FOXN3: variants seen among roughly 807,000 people sequenced by gnomAD.
FOXN3 encodes the protein forkhead box N3, also known as forkhead box protein N3.
A neutral mutation model predicts 38.4 loss-of-function variants in FOXN3; 7 were observed. That is an observed-to-expected ratio of 0.18 (90% CI 0.10 to 0.34). The LOEUF is 0.34. Among genes scored for constraint, FOXN3 ranks in the 10% least tolerant of loss-of-function variants. FOXN3 has a pLI of 1.00. For missense variants in FOXN3, 456 were observed against 613.4 expected, an observed-to-expected ratio of 0.74 and a Z score of 2.71; for synonymous variants, 230 against 242.2, an observed-to-expected ratio of 0.95 and a Z score of 0.47.
chr14:89,418,414 C>CCT (rs1891815431), upstream of FOXN3, among the ~76,000 whole-genome samples: 1 of 70,430 alleles, frequency 1.4e-5, no homozygotes, highest in African/African-American at 5.2e-5. Flanking sequence ...AAAAATAGAC[C>CCT]CCCCCCCCCC....
intron 1 of FOXN3, among the ~76,000 whole-genome samples, chr14:89,444,938 T>C (rs987927738): frequency 6.6e-6 from 1 of 151,852 alleles, no homozygotes; most frequent in Admixed American, 6.6e-5. Context: ...CTGGGCAACA[T>C]AGCAAGACCC....
chr14:89,188,088 T>C (rs556628027), intron 4 of FOXN3, among the ~76,000 whole-genome samples: 1 of 152,304 alleles, frequency 6.6e-6, no homozygotes, highest in Non-Finnish European at 1.5e-5. Context: ...GGGGCTTTCA[T>C]GAAGGCTGTG....
chr14:89,169,258 T>C (rs1445536496), intron 5 of FOXN3, among the ~76,000 whole-genome samples: 1 of 152,020 alleles, frequency 6.6e-6, no homozygotes, highest in Non-Finnish European at 1.5e-5. Flanking sequence ...CCCAGCAACA[T>C]GGTAAAACCC....
chr14:89,377,805 T>C (rs1353515064), intron 2 of FOXN3, among the ~76,000 whole-genome samples: 1 of 152,196 alleles, frequency 6.6e-6, no homozygotes, highest in East Asian at 1.9e-4. Flanking sequence ...TACCTCAGAA[T>C]GTGGCTCTAT....
intron 1 of FOXN3, among the ~76,000 whole-genome samples, chr14:89,511,149 CTTTCTTTCTTTCTTTCTTT>C (rs1894053780): frequency 3.0e-4 from 5 of 16,744 alleles, no homozygotes; most frequent in Non-Finnish European, 1.7e-3. Context: ...TCTTTTCTTT[CTTTCTTTCTTTCTTTCTTT>C]CTTTCTTTCT....
intron 1 of FOXN3, among the ~76,000 whole-genome samples, chr14:89,463,757 G>T (rs943491794): frequency 6.6e-6 from 1 of 151,350 alleles, no homozygotes; most frequent in African/African-American, 2.4e-5. Flanking sequence ...GGGAATCAGA[G>T]ATATGCAGGG....
intron 3 of FOXN3, among the ~76,000 whole-genome samples, chr14:89,302,050 T>G (rs572195426): frequency 1.4e-4 from 21 of 152,212 alleles, no homozygotes; most frequent in Admixed American, 5.9e-4. Context: ...ATAGTGTAGC[T>G]CAGGAAAACC....
intron 1 of FOXN3, among the ~76,000 whole-genome samples, chr14:89,541,126 T>A (rs1894784030): frequency 6.6e-6 from 1 of 152,168 alleles, no homozygotes; most frequent in African/African-American, 2.4e-5. Context: ...CTCGCAAATA[T>A]TTGTTGGATA....
intron 1 of FOXN3, among the ~76,000 whole-genome samples, chr14:89,559,198 CG>C (rs2139876180): frequency 6.7e-6 from 1 of 150,300 alleles, no homozygotes; most frequent in East Asian, 2.0e-4. Context: ...GACCGCCCCC[CG>C]CCCAACCCCA....
At chr14:89,391,611 C>A (rs1890948820) in intron 2 of FOXN3, among the ~76,000 whole-genome samples, 1 of 152,220 alleles carries the variant, frequency 6.6e-6, no homozygotes, top group Non-Finnish European at 1.5e-5. Flanking sequence ...CCAATTCAAG[C>A]CTCAGCACCA....
At chr14:89,190,353 G>A in intron 4 of FOXN3, 1 of 1,545,520 alleles carries the variant, frequency 6.5e-7, no homozygotes. Context: ...CACAAACTAT[G>A]GTGCTGTAGG....
intron 1 of FOXN3, among the ~76,000 whole-genome samples, chr14:89,508,102 C>T (rs1893985181): frequency 6.6e-6 from 1 of 152,278 alleles, no homozygotes; most frequent in African/African-American, 2.4e-5. Flanking sequence ...TAGCATAAAC[C>T]AGTCAATACA....
intron 4 of FOXN3, among the ~76,000 whole-genome samples, chr14:89,204,398 G>A (rs907529595): frequency 9.2e-5 from 14 of 152,068 alleles, no homozygotes; most frequent in African/African-American, 2.4e-5. Flanking sequence ...CATGGGCACC[G>A]AGCTCTGTCC....
chr14:89,345,721 CGTTTTCCATTG>C (rs1480725974), intron 3 of FOXN3, among the ~76,000 whole-genome samples: 4 of 152,120 alleles, frequency 2.6e-5, no homozygotes, highest in Admixed American at 6.5e-5. Flanking sequence ...TGAGAACATA[CGTTTTCCATTG>C]GTTTTCCATT....
rs79251834 is a variant in FOXN3 at position 89,268,906 on chromosome 14, G to T, written c.745+12044C>A. Among the ~76,000 whole-genome samples the T allele has an allele frequency of 7.1e-3, 1,087 of 152,292 alleles. 16 individuals carry two copies. The highest frequency in any genetic ancestry group is 0.025 in the African/African-American group (1,049 of 41,546). On this transcript the variant is annotated intron_variant, in intron 4 of 5. Coordinates refer to ENST00000557258, the MANE Select transcript of FOXN3 (RefSeq NM_005197.4). ...CTTGGGCCCATGACAGCTGCAAAAAGTGAAAACTTCATAACTATTTCTTTT... is the reference window on the plus strand; with the variant it reads ...CTTGGGCCCATGACAGCTGCAAAAATTGAAAACTTCATAACTATTTCTTTT...
intron 3 of FOXN3, among the ~76,000 whole-genome samples, chr14:89,344,644 T>C (rs184652729): frequency 1.3e-5 from 2 of 152,312 alleles, no homozygotes; most frequent in Admixed American, 1.3e-4. Flanking sequence ...GTTAATGTAG[T>C]GTTACGAAGT....
In FOXN3 at chr14:89,457,129, T is replaced by A. The variant is rs35349978; in HGVS notation, c.-14-44639A>T. Among the ~76,000 whole-genome samples the A allele has an allele frequency of 3.2e-3, 482 of 152,348 alleles. 2 individuals are homozygous for A. The highest frequency in any genetic ancestry group is 4.3e-3 in the Non-Finnish European group (292 of 68,026). ...CTTGACTCTGGGAGCTACTGGTTAATAAACAACATGGCGATAGCCTCTTTA... is the reference window on the plus strand; with the variant it reads ...CTTGACTCTGGGAGCTACTGGTTAAAAAACAACATGGCGATAGCCTCTTTA... On this transcript the variant is annotated intron_variant, in intron 1 of 6. Transcript: ENST00000345097.
At chr14:89,219,647 C>T (rs765428120) in intron 4 of FOXN3, among the ~76,000 whole-genome samples, 2 of 152,190 alleles carry the variant, frequency 1.3e-5, no homozygotes, top group Non-Finnish European at 2.9e-5. Context: ...GGCAATTTGA[C>T]GTAACCGCTC....
At chr14:89,319,044 C>A (rs1422755910) in intron 3 of FOXN3, among the ~76,000 whole-genome samples, 1 of 152,184 alleles carries the variant, frequency 6.6e-6, no homozygotes, top group Non-Finnish European at 1.5e-5. Context: ...GAGGACACTT[C>A]TGAGACAAAA....
Sources: allele counts gnomAD v4.1 joint callset (sites outside exome capture counted in the v4.1 genomes callset), GRCh38; gene constraint gnomAD v4.1.1; transcripts MANE v1.5; gene names NCBI Gene and HGNC (gene_info 2026-07-23, HGNC 2026-07-21).